The following FASTKD1 variants were observed in gnomAD, a reference collection of about 807,000 sequenced individuals.
The protein encoded by FASTKD1 is FAST kinase domain-containing protein 1, mitochondrial.
Under a neutral mutation model 90.9 loss-of-function variants are expected in FASTKD1, and 94 were observed. The ratio of observed to expected loss-of-function variants is 1.03; its 90% CI spans 0.88 to 1.23. FASTKD1 has a LOEUF of 1.23. FASTKD1 is among the 50% of genes most tolerant of loss of function. FASTKD1 has a pLI of 0.00. For missense variants in FASTKD1, 945 were observed against 993.5 expected, an observed-to-expected ratio of 0.95 and a Z score of 0.66; for synonymous variants, 319 against 345.8, an observed-to-expected ratio of 0.92 and a Z score of 0.86.
chr2:169,549,091 C>T (rs1005568697), intron 7 of FASTKD1, among the ~76,000 whole-genome samples: 4 of 151,406 alleles, frequency 2.6e-5, no homozygotes, highest in Non-Finnish European at 5.9e-5. Flanking sequence ...AGCGAGACTC[C>T]ATCTCAAAAA....
At chr2:169,547,049 G>A (rs1045653211) in intron 7 of FASTKD1, among the ~76,000 whole-genome samples, 2 of 152,182 alleles carry the variant, frequency 1.3e-5, no homozygotes, top group African/African-American at 4.8e-5. Context: ...GCAAAAGTAG[G>A]CCTCCAGAAC....
chr2:169,540,019 ATAAT>A (rs749113633), intron 10 of FASTKD1, 28 bp downstream of exon 10: 5 of 1,366,024 alleles, frequency 3.7e-6, no homozygotes, highest in South Asian at 2.6e-5. Flanking sequence ...AGTACAACAG[ATAAT>A]TAAATAAATT....
At chr2:169,561,620 GAATAA>G (rs1324538169) in intron 4 of FASTKD1, among the ~76,000 whole-genome samples, 9 of 150,254 alleles carry the variant, frequency 6.0e-5, no homozygotes, top group Non-Finnish European at 1.2e-4. Context: ...CAGATGGAAA[GAATAA>G]AAAAGACATA....
chr2:169,556,771 G>A (rs1439661041), intron 6 of FASTKD1, among the ~76,000 whole-genome samples: 2 of 152,162 alleles, frequency 1.3e-5, no homozygotes, highest in South Asian at 4.1e-4. Flanking sequence ...AGGTTGCAGT[G>A]AGCCGAGATG....
chr2:169,557,072 T>A, intron 6 of FASTKD1, 115 bp downstream of exon 6: 1 of 708,560 alleles, frequency 1.4e-6, no homozygotes, highest in South Asian at 1.6e-5. Context: ...AAGCATTAAT[T>A]CCTTATTTCT....
chr2:169,564,419 T>C (rs1190833333), intron 3 of FASTKD1, among the ~76,000 whole-genome samples: 1 of 151,906 alleles, frequency 6.6e-6, no homozygotes, highest in Non-Finnish European at 1.5e-5. Flanking sequence ...GCATTTTTAT[T>C]AAAATTAAAA....
Position 169,546,565 on chromosome 2 carries a change from T to C in FASTKD1, c.1354A>G (p.Ser452Gly), listed in dbSNP as rs367902515. ...VLPQCDLNNL[S>G]SFATSVLRWI... ...CTTAAAACAGATGTGGCAAAACTAC[T>C]CAGGTTATTTAGGTCACACTGTGGT... Residue 452 changes from serine (S) to glycine (G), a missense_variant, in exon 8 of 15, where the codon AGT becomes GGT. By Grantham distance (56) the Ser-to-Gly change is moderately conservative (BLOSUM62 0). Coordinates refer to ENST00000453153, the MANE Select transcript of FASTKD1 (RefSeq NM_024622.6). The C allele has an allele frequency of 3.1e-6, 5 of 1,614,054 alleles. No individual in the cohort carries two copies. In the African/African-American group the frequency reaches 5.3e-5, roughly 17 times the overall value.
chr2:169,541,923 C>T (rs1423301947), intron 9 of FASTKD1, among the ~76,000 whole-genome samples: 1 of 152,154 alleles, frequency 6.6e-6, no homozygotes, highest in African/African-American at 2.4e-5. Flanking sequence ...TGCTCTCACC[C>T]GAGGGCCCTT....
At chr2:169,554,226 T>C (rs1397177411) in intron 7 of FASTKD1, among the ~76,000 whole-genome samples, 2 of 126,642 alleles carry the variant, frequency 1.6e-5, no homozygotes, top group Non-Finnish European at 3.1e-5. Flanking sequence ...TGCCGTGAGC[T>C]ATGATTGCAC....
At chr2:169,563,149 T>C (rs1444861209) in intron 4 of FASTKD1, 76 bp downstream of exon 4, 1 of 1,411,278 alleles carries the variant, frequency 7.1e-7, no homozygotes, top group East Asian at 2.4e-5. Context: ...AAACTAAGAG[T>C]AGCAAATCTG....
intron 7 of FASTKD1, among the ~76,000 whole-genome samples, chr2:169,553,578 T>C (rs1685595646): frequency 6.6e-6 from 1 of 152,178 alleles, no homozygotes; most frequent in Non-Finnish European, 1.5e-5. Flanking sequence ...CACTTTATTA[T>C]AATAAAAATC....
chr2:169,561,753 T>C (rs1016579133), intron 4 of FASTKD1, among the ~76,000 whole-genome samples: 1 of 128,466 alleles, frequency 7.8e-6, no homozygotes, highest in Non-Finnish European at 1.7e-5. Flanking sequence ...TCATTATAAA[T>C]TATTTATTAA....
rs1244791366 is a variant in FASTKD1, at chr2:169,573,780, T to A, written c.-254A>T. 1.3e-5 allele frequency: 2 copies of A among 152,160 alleles called. No individual in the cohort carries two copies. The highest frequency in any genetic ancestry group is 2.9e-5 in the Non-Finnish European group (2 of 68,036). 9.4% of individuals were successfully genotyped at this position (152,160 alleles called of 1,614,324 possible). A position where few individuals can be genotyped will look rare whatever the true frequency, so the allele number is the denominator to read the frequency against. ...CAACACGGAACGAAACAGGCTCGGATGTCTCGCCCAACCCTCATATCTCAG... is the reference window on the plus strand; with the variant it reads ...CAACACGGAACGAAACAGGCTCGGAAGTCTCGCCCAACCCTCATATCTCAG... On this transcript the variant is annotated 5_prime_UTR_variant, in exon 1 of 15. Coordinates refer to ENST00000453153, the MANE Select transcript of FASTKD1 (RefSeq NM_024622.6).
At chr2:169,554,108 C>CAAA (rs368580097) in intron 7 of FASTKD1, among the ~76,000 whole-genome samples, 1 of 118,602 alleles carries the variant, frequency 8.4e-6, no homozygotes, top group Admixed American at 8.7e-5. Flanking sequence ...CCCATCTCTA[C>CAAA]AAAAAAAAAA....
At chr2:169,543,410 C>T (rs1448405535) in intron 9 of FASTKD1, among the ~76,000 whole-genome samples, 1 of 152,088 alleles carries the variant, frequency 6.6e-6, no homozygotes, top group African/African-American at 2.4e-5. Flanking sequence ...TTGCAGTGAG[C>T]CGAGATTGTG....
Position 169,529,865 on chromosome 2 carries a change from A to G in FASTKD1, c.2504T>C (p.Leu835Pro), listed in dbSNP as rs1279477362. The G allele has an allele frequency of 1.2e-6, 2 of 1,613,430 alleles. No individual in the cohort carries two copies. Among genetic ancestry groups the G allele is most frequent in the Non-Finnish European group, 1.7e-6 (2 of 1,179,648 alleles). The change falls in exon 15 of 15, where the codon CTG becomes CCG. Residue 835 changes from leucine (L) to proline (P), a missense_variant. By Grantham distance (98) the Leu-to-Pro change is moderately conservative. Transcript: ENST00000453153. ...GACTTCTCCAAATATACATTCTCTCAGGTAGTCCATCCGAGCATCCTTTGT... is the reference window on the plus strand; with the variant it reads ...GACTTCTCCAAATATACATTCTCTCGGGTAGTCCATCCGAGCATCCTTTGT... ...LSTKDARMDY[L>P]RECIFGEVKS...
intron 8 of FASTKD1, among the ~76,000 whole-genome samples, 153 bp downstream of exon 8, chr2:169,546,065 G>C (rs143941017): frequency 6.6e-6 from 1 of 152,190 alleles, no homozygotes; most frequent in East Asian, 1.9e-4. Context: ...CCAACCGCTG[G>C]AATTACAGGC....
At position 169,571,870 on chromosome 2, in the gene FASTKD1, C is replaced by G; in HGVS notation, c.160G>C (p.Gly54Arg). ...NKCTDEEQMF[G>R]FIERNKAILS... ...ATGGCTTTGTTTCTTTCAATAAAACCAAACATTTGCTCCTCATCTGTACAC... is the reference window on the plus strand; with the variant it reads ...ATGGCTTTGTTTCTTTCAATAAAACGAAACATTTGCTCCTCATCTGTACAC... The change falls in exon 2 of 15, where the codon GGT becomes CGT. Residue 54 changes from glycine (G) to arginine (R), a missense_variant. Physicochemically the swap from Gly to Arg is moderately radical, Grantham distance 125. Transcript: ENST00000453153. The G allele has an allele frequency of 6.2e-7, 1 of 1,613,988 alleles. No individual in the cohort carries two copies. Among genetic ancestry groups the G allele is most frequent in the East Asian group, 2.2e-5 (1 of 44,842 alleles).
intron 2 of FASTKD1, among the ~76,000 whole-genome samples, chr2:169,569,513 A>G (rs563014808): frequency 6.6e-6 from 1 of 152,278 alleles, no homozygotes; most frequent in African/African-American, 2.4e-5. Flanking sequence ...ATGTTCAACA[A>G]TATATTTATG....
Sources: allele counts gnomAD v4.1 joint callset (sites outside exome capture counted in the v4.1 genomes callset), GRCh38; gene constraint gnomAD v4.1.1; transcripts MANE v1.5; gene names NCBI Gene and HGNC (gene_info 2026-07-23, HGNC 2026-07-21).